SNX3: variants seen among roughly 807,000 people sequenced by gnomAD.
SNX3 encodes the protein sorting nexin 3.
A neutral mutation model predicts 17.7 loss-of-function variants in SNX3; 5 were observed. The observed-to-expected ratio is 0.28, with a 90% CI of 0.15 to 0.59. The LOEUF (loss-of-function observed/expected upper bound fraction) is 0.59. Ranked by LOEUF, SNX3 falls within the 20% of genes least tolerant of loss-of-function variation. The pLI is 0.88. For synonymous variants in SNX3, 91 were observed against 76.5 expected (o/e 1.19, Z -0.99); for missense variants, 132 against 206.8 (o/e 0.64, Z 2.22).
intron 1 of SNX3, among the ~76,000 whole-genome samples, chr6:108,246,001 T>TG (rs1294757273): frequency 6.6e-6 from 1 of 152,240 alleles, no homozygotes; most frequent in African/African-American, 2.4e-5. Context: ...GTTTTAGACA[T>TG]GAAGTCCTTG....
intron 1 of SNX3, among the ~76,000 whole-genome samples, chr6:108,224,569 C>CGG (rs1248064904): frequency 6.6e-6 from 1 of 152,176 alleles, no homozygotes; most frequent in Non-Finnish European, 1.5e-5. Context: ...CGTGAGCCAC[C>CGG]ACACCTGGCC....
At chr6:108,253,971 A>C (rs867932850) in intron 1 of SNX3, among the ~76,000 whole-genome samples, 3 of 151,902 alleles carry the variant, frequency 2.0e-5, no homozygotes, top group East Asian at 1.9e-4. Flanking sequence ...TGAAAACACA[A>C]AAAAAATTAG....
chr6:108,217,907 A>G (rs1441122355), intron 2 of SNX3, among the ~76,000 whole-genome samples: 2 of 152,346 alleles, frequency 1.3e-5, no homozygotes, highest in East Asian at 3.9e-4. Context: ...ACCATAATAC[A>G]TGTCAGCTAA....
At chr6:108,221,129 CTTATGAAT>C (rs1774757134) in intron 2 of SNX3, among the ~76,000 whole-genome samples, 1 of 152,164 alleles carries the variant, frequency 6.6e-6, no homozygotes, top group African/African-American at 2.4e-5. Flanking sequence ...CTACTACAAT[CTTATGAAT>C]TTATAAATAA....
chr6:108,228,623 C>T (rs1367789755), intron 1 of SNX3, among the ~76,000 whole-genome samples: 4 of 151,902 alleles, frequency 2.6e-5, no homozygotes, highest in Non-Finnish European at 5.9e-5. Context: ...CTTCAGCCTT[C>T]GAGGCTGAGG....
At chr6:108,245,438 T>G (rs544254720) in intron 1 of SNX3, among the ~76,000 whole-genome samples, 4 of 152,194 alleles carry the variant, frequency 2.6e-5, no homozygotes, top group African/African-American at 9.6e-5. Context: ...GTCTTTATAG[T>G]AGAATGATTT....
In SNX3 at chr6:108,260,946, G is replaced by T; in HGVS notation, c.-25C>A. The T allele has an allele frequency of 6.5e-7, 1 of 1,542,188 alleles. No individual in the cohort carries two copies. On this transcript the variant is annotated 5_prime_UTR_variant, in exon 1 of 4. Coordinates refer to ENST00000230085, the MANE Select transcript of SNX3 (RefSeq NM_003795.6). ...TTTCGCTGTAGCTGCTGCCGCCGCC[G>T]CGGGCTCCCTCCGCCCCCTCCGCGT... is the stretch of plus-strand genomic sequence containing the variant.
intron 1 of SNX3, among the ~76,000 whole-genome samples, chr6:108,240,306 C>T (rs968959405): frequency 8.5e-5 from 13 of 152,148 alleles, no homozygotes; most frequent in African/African-American, 3.1e-4. Context: ...GTAACCTCTG[C>T]CTCACTGGTT....
chr6:108,223,498 T>C (rs1438411198), intron 1 of SNX3, among the ~76,000 whole-genome samples: 5 of 25,562 alleles, frequency 2.0e-4, no homozygotes, highest in Admixed American at 1.6e-3. Context: ...TTGCTAGTTC[T>C]TTTTTTTTTT....
At chr6:108,256,488 G>T (rs1776033681) in intron 1 of SNX3, among the ~76,000 whole-genome samples, 1 of 152,190 alleles carries the variant, frequency 6.6e-6, no homozygotes, top group Non-Finnish European at 1.5e-5. Flanking sequence ...CACTGTGCTA[G>T]AAAGATTCAT....
chr6:108,251,396 A>T (rs540525992), intron 1 of SNX3, among the ~76,000 whole-genome samples: 3 of 152,226 alleles, frequency 2.0e-5, no homozygotes, highest in Non-Finnish European at 4.4e-5. Flanking sequence ...CAAAGCAAAG[A>T]ACAGTGTCTA....
In SNX3 at chr6:108,212,100, G is replaced by C. The variant is rs1306776346; in HGVS notation, c.*49C>G. 1.0e-6 allele frequency: 1 copy of C among 962,928 alleles called. No individual in the cohort carries two copies. Among genetic ancestry groups the C allele is most frequent in the South Asian group, 1.4e-5 (1 of 71,136 alleles). 59.6% of individuals were successfully genotyped at this position (962,928 alleles called of 1,614,324 possible). On this transcript the variant is annotated 3_prime_UTR_variant, in exon 4 of 4. Transcript: ENST00000230085. ...GCTAAAAGTTAGAACTTCTTCACTG[G>C]TGCTTATCAATCATTAATAGTCACG...
rs565405009 is a variant in SNX3, at chr6:108,225,142, C to T, written c.163-2097G>A. 2.0e-4 allele frequency among the ~76,000 whole-genome samples: 31 copies of T among 152,206 alleles called. 1 individual carries two copies. The South Asian group carries it at 5.6e-3, about 27-fold the overall frequency. On this transcript the variant is annotated intron_variant, in intron 1 of 3. Coordinates refer to ENST00000230085, the MANE Select transcript of SNX3 (RefSeq NM_003795.6). ...TAAAAATACAAAAAAACCAGCCAGA[C>T]GTAGTGGCAGGCGCCTGCAGTTCCA...
chr6:108,242,686 A>G (rs1162402867), intron 1 of SNX3, among the ~76,000 whole-genome samples: 1 of 152,162 alleles, frequency 6.6e-6, no homozygotes, highest in East Asian at 1.9e-4. Context: ...GTTACATTAC[A>G]TGGCAAAGGT....
At chr6:108,222,827 T>TAA in intron 2 of SNX3, 123 bp downstream of exon 2, 1 of 693,314 alleles carries the variant, frequency 1.4e-6, no homozygotes, top group Non-Finnish European at 2.5e-6. Context: ...GACACTGAAC[T>TAA]ATTTGAAAAA....
intron 1 of SNX3, among the ~76,000 whole-genome samples, chr6:108,253,239 C>A (rs953769832): frequency 6.6e-6 from 1 of 152,168 alleles, no homozygotes; most frequent in South Asian, 2.1e-4. Flanking sequence ...TATAAAGATT[C>A]CTTTTTTGAG....
chr6:108,237,995 G>T (rs1775400818), intron 1 of SNX3, among the ~76,000 whole-genome samples: 1 of 150,302 alleles, frequency 6.7e-6, no homozygotes, highest in Non-Finnish European at 1.5e-5. Flanking sequence ...TACTCGGGAG[G>T]CTGAAGTGGG....
intron 1 of SNX3, among the ~76,000 whole-genome samples, chr6:108,238,603 C>T (rs1188022158): frequency 2.6e-5 from 4 of 151,992 alleles, no homozygotes; most frequent in African/African-American, 2.4e-5. Flanking sequence ...CCACCTCAAC[C>T]GCCATAAAAA....
chr6:108,222,276 C>G (rs1432270765), intron 2 of SNX3: 14 of 1,304,092 alleles, frequency 1.1e-5, no homozygotes, highest in Non-Finnish European at 1.4e-5. Context: ...GAGCACACCA[C>G]GTCCTTCCAT....
Sources: gnomAD v4.1 joint callset for allele counts (sites outside exome capture counted in the v4.1 genomes callset) on GRCh38, gnomAD v4.1.1 for gene constraint, MANE v1.5 for transcripts, NCBI Gene and HGNC (gene_info 2026-07-23, HGNC 2026-07-21) for gene names.